Variants in TBC1D22A observed in about 807,000 individuals in gnomAD.
TBC1D22A encodes the protein putative GTPase activator.
TBC1D22A carries 38 observed loss-of-function variants against 60.2 expected under a neutral mutation model. That is an observed-to-expected ratio of 0.63 (90% CI 0.49 to 0.83). TBC1D22A has a LOEUF of 0.83. TBC1D22A is among the 40% of genes least tolerant of loss of function. The pLI is 0.00. For synonymous variants in TBC1D22A, 302 were observed against 281.7 expected (o/e 1.07, Z -0.72); for missense variants, 628 against 701.0 (o/e 0.90, Z 1.18).
Position 46,970,985 on chromosome 22 carries a change from G to A in TBC1D22A, c.1016-3305G>A, listed in dbSNP as rs545996241. Among the ~76,000 whole-genome samples, 5 of 152,272 alleles carry A rather than the reference G, an allele frequency of 3.3e-5. No homozygotes were observed. The East Asian group carries it at 9.7e-4, about 29-fold the overall frequency. ...CACAGCCTGGAGTCCAGAGTGCCCT[G>A]TGCCACTCTGTGTGCCTTTGCCAAA... On this transcript the variant is annotated intron_variant, in intron 8 of 12. Transcript: ENST00000337137.
At chr22:47,040,691 C>T (rs1437350850) in intron 11 of TBC1D22A, among the ~76,000 whole-genome samples, 1 of 152,098 alleles carries the variant, frequency 6.6e-6, no homozygotes, top group East Asian at 1.9e-4. Context: ...TGGGAGGTTA[C>T]CCCGTGCGGG....
intron 11 of TBC1D22A, among the ~76,000 whole-genome samples, chr22:47,099,647 G>T (rs2065330886): frequency 1.3e-5 from 2 of 151,894 alleles, no homozygotes; most frequent in African/African-American, 4.8e-5. Flanking sequence ...GTTTCTCTGT[G>T]TTGGCCAGGC....
chr22:47,157,960 T>C (rs1169213664), intron 12 of TBC1D22A, among the ~76,000 whole-genome samples: 1 of 152,110 alleles, frequency 6.6e-6, no homozygotes. Context: ...TGGATGGGCG[T>C]CGTGGCTCTT....
Position 47,173,789 on chromosome 22 carries a change from G to C in TBC1D22A, c.*163G>C. ...GAAGATGGGCCACAGACCTGGTCTA[G>C]GGCTGACAAAGACAGGGACAGCCTT... On this transcript the variant is annotated 3_prime_UTR_variant, in exon 13 of 13. Coordinates refer to ENST00000337137, the MANE Select transcript of TBC1D22A (RefSeq NM_014346.5). The C allele has an allele frequency of 8.9e-7, 1 of 1,126,698 alleles. No individual in the cohort carries two copies. Among genetic ancestry groups the C allele is most frequent in the Non-Finnish European group, 1.2e-6 (1 of 804,516 alleles). 69.8% of individuals were successfully genotyped at this position (1,126,698 alleles called of 1,614,324 possible). A position where few individuals can be genotyped will look rare whatever the true frequency, so the allele number is the denominator to read the frequency against.
intron 12 of TBC1D22A, among the ~76,000 whole-genome samples, chr22:47,136,537 G>C (rs1421764449): frequency 6.8e-6 from 1 of 147,346 alleles, no homozygotes; most frequent in Non-Finnish European, 1.5e-5. Context: ...GCTTGTTTCA[G>C]TGATGGCCAG....
rs1180355896 is a variant in TBC1D22A at position 47,061,139 on chromosome 22, C to T, written c.1329+23941C>T. Among the ~76,000 whole-genome samples, 3 of 150,568 alleles carry T rather than the reference C, an allele frequency of 2.0e-5. No homozygotes were observed. In the East Asian group the frequency reaches 5.9e-4, roughly 29 times the overall value. ...CACCACCGTCCTGGAAAGGTTGAGC[C>T]ACGCTGTCTTCCTCGGTGCCCTCAC... On this transcript the variant is annotated intron_variant, in intron 11 of 12. Transcript: ENST00000337137.
At chr22:46,930,170 C>T (rs185139640) in intron 8 of TBC1D22A, among the ~76,000 whole-genome samples, 10 of 152,204 alleles carry the variant, frequency 6.6e-5, no homozygotes, top group African/African-American at 2.4e-4. Flanking sequence ...TTCCTGGCTC[C>T]TTCTCACTGT....
intron 9 of TBC1D22A, among the ~76,000 whole-genome samples, chr22:46,978,229 T>G (rs914033139): frequency 2.0e-5 from 3 of 152,244 alleles, no homozygotes; most frequent in African/African-American, 7.2e-5. Flanking sequence ...CTTGGGACTC[T>G]GCACTACAAA....
intron 4 of TBC1D22A, among the ~76,000 whole-genome samples, chr22:46,846,596 G>T (rs2087005794): frequency 6.6e-6 from 1 of 152,196 alleles, no homozygotes; most frequent in Non-Finnish European, 1.5e-5. Context: ...AAAAAACTGT[G>T]TTATAAAAAA....
chr22:47,021,453 C>G (rs370922243), intron 10 of TBC1D22A, among the ~76,000 whole-genome samples: 2 of 121,050 alleles, frequency 1.7e-5, no homozygotes, highest in African/African-American at 6.3e-5. Flanking sequence ...CCTCACCTGT[C>G]GCCTGGAGCC....
chr22:46,792,387 C>T, intron 1 of TBC1D22A, 133 bp from the exon 2 acceptor site: 1 of 1,250,694 alleles, frequency 8.0e-7, no homozygotes, highest in Non-Finnish European at 1.2e-6. Context: ...GCAGGGGGGC[C>T]TGCGACAGCC....
At chr22:46,846,805 ATTCTT>A (rs2087017586) in intron 4 of TBC1D22A, among the ~76,000 whole-genome samples, 1 of 151,822 alleles carries the variant, frequency 6.6e-6, no homozygotes, top group Admixed American at 6.6e-5. Flanking sequence ...CATCTGTCCC[ATTCTT>A]TTCTTTTTCT....
chr22:47,018,299 G>A (rs1478380938), intron 10 of TBC1D22A, among the ~76,000 whole-genome samples: 2 of 152,254 alleles, frequency 1.3e-5, no homozygotes, highest in Non-Finnish European at 2.9e-5. Flanking sequence ...GATCTGTGCC[G>A]TTGGTCTGTT....
At position 46,899,740 on chromosome 22, in the gene TBC1D22A, G is replaced by T. The variant is rs141269344; in HGVS notation, c.900+4894G>T. Among the ~76,000 whole-genome samples the T allele has an allele frequency of 7.9e-4, 121 of 152,214 alleles. 1 individual carries two copies. Among genetic ancestry groups the T allele is most frequent in the African/African-American group, 2.9e-3 (119 of 41,540 alleles). Reference sequence around the variant, plus strand: ...GGATAATAAGACGTGGGTAGAGAATGCCATACCCCCACTTTAAAGATGTGT... The same window carrying T: ...GGATAATAAGACGTGGGTAGAGAATTCCATACCCCCACTTTAAAGATGTGT... On this transcript the variant is annotated intron_variant, in intron 7 of 12. Coordinates refer to ENST00000337137, the MANE Select transcript of TBC1D22A (RefSeq NM_014346.5).
intron 1 of TBC1D22A, among the ~76,000 whole-genome samples, chr22:46,785,217 A>T (rs183837641): frequency 2.6e-5 from 4 of 152,262 alleles, no homozygotes; most frequent in South Asian, 2.1e-4. Context: ...TGGGGCTGGA[A>T]TTATAAGAGG....
intron 11 of TBC1D22A, among the ~76,000 whole-genome samples, chr22:47,053,205 G>A (rs541335363): frequency 2.0e-4 from 30 of 152,184 alleles, no homozygotes; most frequent in Middle Eastern, 3.4e-3. Flanking sequence ...GTCCCCTCCG[G>A]CCTGGAGGGC....
chr22:47,115,417 C>T (rs1776139372), intron 12 of TBC1D22A, among the ~76,000 whole-genome samples: 1 of 151,924 alleles, frequency 6.6e-6, no homozygotes, highest in African/African-American at 2.4e-5. Context: ...TGCCCCGCCC[C>T]TTTAGCCACT....
chr22:47,115,144 G>T (rs547109077), intron 12 of TBC1D22A, among the ~76,000 whole-genome samples: 2 of 152,134 alleles, frequency 1.3e-5, no homozygotes, highest in South Asian at 4.1e-4. Context: ...TGGAGTGAAC[G>T]TTGGCCCTGT....
chr22:47,125,745 A>G lies in TBC1D22A; in HGVS notation c.1425+14142A>G, dbSNP rs189348272. 3.2e-3 allele frequency among the ~76,000 whole-genome samples: 487 copies of G among 152,342 alleles called. 10 individuals carry two copies. Among genetic ancestry groups the G allele is most frequent in the East Asian group, 2.3e-3 (12 of 5,178 alleles). ...GGCCACTCTGCAAGAACTTCCCAGC[A>G]TCTCTTTGATGTCCCTTGCCAAGGG... On this transcript the variant is annotated intron_variant, in intron 12 of 12. Transcript: ENST00000337137.
Sources: allele counts gnomAD v4.1 joint callset (sites outside exome capture counted in the v4.1 genomes callset), GRCh38; gene constraint gnomAD v4.1.1; transcripts MANE v1.5; gene names NCBI Gene and HGNC (gene_info 2026-07-23, HGNC 2026-07-21).